The following TTC4 variants were observed in gnomAD, a reference collection of about 807,000 sequenced individuals.
TTC4 encodes tetratricopeptide repeat domain 4, also known as hsp70/Hsp90 co-chaperone CNS1 homolog.
In TTC4, 36 loss-of-function variants were observed where a neutral mutation model predicts 51.9. The ratio of observed to expected loss-of-function variants is 0.69; its 90% CI spans 0.53 to 0.92. The LOEUF (loss-of-function observed/expected upper bound fraction) is 0.92, where lower values mean the gene tolerates loss of function less well. TTC4 is among the 40% of genes least tolerant of loss of function. The probability of loss-of-function intolerance (pLI) is 0.00; values close to 1 mark genes in which losing one functional copy is unlikely to be tolerated. For missense variants in TTC4, 399 were observed against 454.6 expected (o/e 0.88, Z 1.11); for synonymous variants, 144 against 164.2 (o/e 0.88, Z 0.94).
At chr1:54,728,534 T>C in intron 6 of TTC4, 102 bp downstream of exon 6, 1 of 1,175,228 alleles carries the variant, frequency 8.5e-7, no homozygotes, top group South Asian at 1.5e-5. Context: ...AAGGAATTTG[T>C]TCATTTTCTT....
intron 3 of TTC4, among the ~76,000 whole-genome samples, chr1:54,719,333 G>T (rs972700431): frequency 2.7e-5 from 4 of 148,890 alleles, no homozygotes; most frequent in African/African-American, 9.7e-5. Context: ...CAGCTTGGTA[G>T]CTTTTGTGCT....
In TTC4 at chr1:54,726,098, T is replaced by A. The variant is rs1645796069; in HGVS notation, c.595-2248T>A. Among the ~76,000 whole-genome samples, 3 of 152,350 alleles carry A rather than the reference T, an allele frequency of 2.0e-5. No individual in the cohort carries two copies. The South Asian group carries it at 6.2e-4, about 32-fold the overall frequency. Reference sequence around the variant, plus strand: ...TCCCAAATTTGGTGAAAAACACTGATGTATACATCCAAAAAGTTTAACAAA... The same window carrying A: ...TCCCAAATTTGGTGAAAAACACTGAAGTATACATCCAAAAAGTTTAACAAA... On this transcript the variant is annotated intron_variant, in intron 5 of 9. Transcript: ENST00000371281.
In TTC4 at chr1:54,742,517, C is replaced by T. The variant is rs910747575; in HGVS notation, c.*1004C>T. 3 of 152,312 alleles carry T rather than the reference C, an allele frequency of 2.0e-5. No homozygotes were observed. Among genetic ancestry groups the T allele is most frequent in the South Asian group, 2.1e-4 (1 of 4,836 alleles). 9.4% of individuals were successfully genotyped at this position (152,312 alleles called of 1,614,324 possible). ...GGAGCCGTTCCATGGAGCCGAGCTACAGCAGCTGGCCTGCAGCCACTGAGT... is the reference window on the plus strand; with the variant it reads ...GGAGCCGTTCCATGGAGCCGAGCTATAGCAGCTGGCCTGCAGCCACTGAGT... On this transcript the variant is annotated 3_prime_UTR_variant, in exon 10 of 10. Coordinates refer to ENST00000371281, the MANE Select transcript of TTC4 (RefSeq NM_004623.5).
At chr1:54,719,286 G>T (rs12144623) in intron 3 of TTC4, among the ~76,000 whole-genome samples, 1,637 of 152,350 alleles carry the variant, frequency 0.011, 15 homozygotes, top group Non-Finnish European at 0.015. Flanking sequence ...GGTGCCATCA[G>T]TTCCTGAGTC....
At position 54,722,915 on chromosome 1, in the gene TTC4, C is replaced by T. The variant is rs1005847863; in HGVS notation, c.594+116C>T. On this transcript the variant is annotated intron_variant, in intron 5 of 9. Coordinates refer to ENST00000371281, the MANE Select transcript of TTC4 (RefSeq NM_004623.5). ...TAAAAACAAAACCCAAAACTAGTCC[C>T]TACTCCTGGAACTCTGTGGAGCACA... 3.6e-6 allele frequency: 5 copies of T among 1,373,798 alleles called. No homozygotes were observed. The African/African-American group carries it at 7.3e-5, about 20-fold the overall frequency. The allele number at this position is 1,373,798 out of a possible 1,614,324, so 85.1% of individuals were successfully genotyped here. A position where few individuals can be genotyped will look rare whatever the true frequency, so the allele number is the denominator to read the frequency against.
At chr1:54,734,893 A>C (rs1269060499) in intron 8 of TTC4, among the ~76,000 whole-genome samples, 1 of 152,168 alleles carries the variant, frequency 6.6e-6, no homozygotes, top group Non-Finnish European at 1.5e-5. Flanking sequence ...TATAGCTATC[A>C]AAGCAGGAAA....
At position 54,717,460 on chromosome 1, in the gene TTC4, G is replaced by A. The variant is rs756006753; in HGVS notation, c.230-32G>A. 6.1e-6 allele frequency: 9 copies of A among 1,466,748 alleles called. No individual in the cohort carries two copies. The South Asian group carries it at 1.3e-4, about 21-fold the overall frequency. The allele number at this position is 1,466,748 out of a possible 1,614,324, so 90.9% of individuals were successfully genotyped here. A position where few individuals can be genotyped will look rare whatever the true frequency, so the allele number is the denominator to read the frequency against. ...TTTTAATGAGCCTTTTAAAAAGTAA[G>A]CAATAGTGATTATTTTTCCTCTTCT... is the stretch of plus-strand genomic sequence containing the variant. On this transcript the variant is annotated intron_variant, in intron 2 of 9. Coordinates refer to ENST00000371281, the MANE Select transcript of TTC4 (RefSeq NM_004623.5).
intron 6 of TTC4, among the ~76,000 whole-genome samples, chr1:54,730,763 T>G (rs1211463334): frequency 6.6e-6 from 1 of 151,882 alleles, no homozygotes; most frequent in East Asian, 1.9e-4. Context: ...GTATTCCATG[T>G]CCCAACTAAA....
Position 54,737,678 on chromosome 1 carries a change from T to G in TTC4, c.1061+14T>G, listed in dbSNP as rs1038906079. The G allele has an allele frequency of 1.2e-6, 2 of 1,611,106 alleles. No homozygotes were observed. The highest frequency in any genetic ancestry group is 2.7e-5 in the African/African-American group (2 of 74,948). ...ACAGCACCAGAGGTGAGTCATCTCA[T>G]GGCGCTGAGTAGATTGGGGAAGATG... On this transcript the variant is annotated intron_variant, in intron 9 of 9. Transcript: ENST00000371281.
rs1424092643 is a variant in TTC4, at chr1:54,731,459, G to T, written c.682-27G>T. 10 of 1,591,562 alleles carry T rather than the reference G, an allele frequency of 6.3e-6. No homozygotes were observed. In the African/African-American group the frequency reaches 6.7e-5, roughly 11 times the overall value. On this transcript the variant is annotated intron_variant, in intron 6 of 9. Coordinates refer to ENST00000371281, the MANE Select transcript of TTC4 (RefSeq NM_004623.5). ...TCCCACACAATAAGATGTGCATTAT[G>T]TGTGTGTGTTTCTGTCTTTAACCCA...
At position 54,741,595 on chromosome 1, in the gene TTC4, G is replaced by A. The variant is rs1646012418; in HGVS notation, c.*82G>A. The A allele has an allele frequency of 8.7e-7, 1 of 1,155,060 alleles. No homozygotes were observed. Among genetic ancestry groups the A allele is most frequent in the Non-Finnish European group, 1.3e-6 (1 of 769,252 alleles). The allele number at this position is 1,155,060 out of a possible 1,614,324, so 71.6% of individuals were successfully genotyped here. On this transcript the variant is annotated 3_prime_UTR_variant, in exon 10 of 10. Transcript: ENST00000371281. The stretch of plus-strand genomic sequence containing the variant: ...ACCTGAATCAGCTGGACATACTGCT[G>A]GAGTCCAGTGCTTTCTTTCCGTCAC...
At chr1:54,717,026 A>G (rs775800809) in intron 2 of TTC4, among the ~76,000 whole-genome samples, 29 of 152,204 alleles carry the variant, frequency 1.9e-4, no homozygotes, top group Non-Finnish European at 4.1e-4. Context: ...CTGTTGGAAC[A>G]CTTTAAGGAG....
At chr1:54,730,280 CTT>C (rs746084756) in intron 6 of TTC4, among the ~76,000 whole-genome samples, 60 of 133,048 alleles carry the variant, frequency 4.5e-4, no homozygotes, top group Admixed American at 4.6e-4. Context: ...TGCATAAATC[CTT>C]TTTTTTTTTT....
intron 7 of TTC4, among the ~76,000 whole-genome samples, chr1:54,732,345 G>T (rs1407323415): frequency 2.7e-5 from 4 of 146,360 alleles, no homozygotes; most frequent in Non-Finnish European, 6.0e-5. Flanking sequence ...ATAAAAAAGA[G>T]ATATATGTAT....
At chr1:54,732,785 G>A (rs1645883516) in intron 7 of TTC4, among the ~76,000 whole-genome samples, 1 of 150,158 alleles carries the variant, frequency 6.7e-6, no homozygotes, top group African/African-American at 2.4e-5. Flanking sequence ...CCTTGAAGCT[G>A]TTTAAAGAAA....
In TTC4 at chr1:54,736,290, A is replaced by G. The variant is rs185569046; in HGVS notation, c.979-1292A>G. Among the ~76,000 whole-genome samples the G allele has an allele frequency of 0.013, 42 of 3,278 alleles. 6 individuals are homozygous for G. The East Asian group carries it at 0.3, about 23-fold the overall frequency. The allele number at this position is 3,278 out of a possible 152,430, so 2.2% of individuals were successfully genotyped here. A position where few individuals can be genotyped will look rare whatever the true frequency, so the allele number is the denominator to read the frequency against. On this transcript the variant is annotated intron_variant, in intron 8 of 9. Coordinates refer to ENST00000371281, the MANE Select transcript of TTC4 (RefSeq NM_004623.5). ...AGAGAGACCATGAAGTCTCATTGGT[A>G]TCTCCAACTCTTAATTCAACATCCA...
intron 3 of TTC4, 40 bp from the exon 4 acceptor site, chr1:54,721,123 T>A: frequency 6.3e-7 from 1 of 1,598,898 alleles, no homozygotes. Context: ...AACATTTTGA[T>A]CTCAAAACTT....
Position 54,731,586 on chromosome 1 carries a change from C to G in TTC4, c.782C>G (p.Pro261Arg), listed in dbSNP as rs762345490. Reference sequence around the variant, plus strand: ...CTGGATGGACTCAGCACTGAGAACCCCCATGGAGCCAGGCTGAGTCTAGAT... The same window carrying G: ...CTGGATGGACTCAGCACTGAGAACCGCCATGGAGCCAGGCTGAGTCTAGAT... The part of the protein sequence containing the change: ...LFLDGLSTEN[P>R]HGARLSLDGQ... The change falls in exon 7 of 10, where the codon CCC becomes CGC. Residue 261 changes from proline to arginine, a missense_variant. This residue lies in a region of TTC4 where 316 missense variants were observed against 349.6 expected (regional missense o/e 0.90). Coordinates refer to ENST00000371281, the MANE Select transcript of TTC4 (RefSeq NM_004623.5). The G allele has an allele frequency of 6.2e-7, 1 of 1,613,944 alleles. No individual in the cohort carries two copies. The highest frequency in any genetic ancestry group is 8.5e-7 in the Non-Finnish European group (1 of 1,180,030).
intron 9 of TTC4, among the ~76,000 whole-genome samples, chr1:54,739,526 A>G (rs7542637): frequency 0.13 from 19,563 of 152,248 alleles, 2,237 homozygotes; most frequent in African/African-American, 0.3. Context: ...CAGTCCTGCT[A>G]TAGGAGGGCA....
Sources: gnomAD v4.1 joint callset for allele counts (sites outside exome capture counted in the v4.1 genomes callset) on GRCh38, gnomAD v4.1.1 for gene constraint, gnomAD v4.1.1 regional missense constraint, MANE v1.5 for transcripts, NCBI Gene and HGNC (gene_info 2026-07-23, HGNC 2026-07-21) for gene names.